TCF7L2: variants seen among roughly 807,000 people sequenced by gnomAD.
TCF7L2 encodes transcription factor 7 like 2, also known as transcription factor 7-like 2.
In TCF7L2, 23 loss-of-function variants were observed where a neutral mutation model predicts 77.9. The observed-to-expected ratio is 0.30, with a 90% CI of 0.21 to 0.42. The LOEUF is 0.42. Among genes scored for constraint, TCF7L2 ranks in the 10% least tolerant of loss-of-function variants. The probability of loss-of-function intolerance (pLI) is 1.00; values close to 1 mark genes in which losing one functional copy is unlikely to be tolerated. For synonymous variants in TCF7L2, 413 were observed against 340.2 expected, an observed-to-expected ratio of 1.21 and a Z score of -2.36; for missense variants, 654 against 793.1, an observed-to-expected ratio of 0.82 and a Z score of 2.11.
chr10:113,141,435 TGG>T (rs55638532), intron 6 of TCF7L2, 119 bp downstream of exon 6: 7 of 1,408,006 alleles, frequency 5.0e-6, no homozygotes, highest in Non-Finnish European at 6.7e-6. Context: ...GGAACGGTGG[TGG>T]GGGGGCCCCT....
At chr10:113,098,307 A>G (rs1157832629) in intron 5 of TCF7L2, among the ~76,000 whole-genome samples, 2 of 151,728 alleles carry the variant, frequency 1.3e-5, no homozygotes, top group Non-Finnish European at 2.9e-5. Context: ...TTCCTTGGTC[A>G]GGTCACTTGC....
At chr10:113,137,497 T>C (rs2067602613) in intron 5 of TCF7L2, among the ~76,000 whole-genome samples, 2 of 152,196 alleles carry the variant, frequency 1.3e-5, no homozygotes, top group African/African-American at 4.8e-5. Context: ...ACAGCCAACC[T>C]GGTGAGGAAG....
At chr10:113,113,767 C>G (rs1591853291) in intron 5 of TCF7L2, among the ~76,000 whole-genome samples, 1 of 152,092 alleles carries the variant, frequency 6.6e-6, no homozygotes, top group Non-Finnish European at 1.5e-5. Flanking sequence ...ATCATAAACC[C>G]AAGGATTTCC....
At position 113,129,756 on chromosome 10, in the gene TCF7L2, A is replaced by C. The variant is rs914540794; in HGVS notation, c.553-11428A>C. The C allele has an allele frequency of 3.2e-6, 4 of 1,255,272 alleles. No homozygotes were observed. In the African/African-American group the frequency reaches 4.7e-5, roughly 15 times the overall value. 77.8% of individuals were successfully genotyped at this position (1,255,272 alleles called of 1,614,324 possible). A position where few individuals can be genotyped will look rare whatever the true frequency, so the allele number is the denominator to read the frequency against. The stretch of plus-strand genomic sequence containing the variant: ...GGGAGGGGAAGCTGGGAGGAAAAAG[A>C]AAAGTGAGAAAAGCAGAAAGGGAGG... On this transcript the variant is annotated intron_variant, in intron 5 of 13. Coordinates refer to ENST00000627217, the MANE Select transcript of TCF7L2 (RefSeq NM_001146274.2).
chr10:113,160,236 C>T (rs187586613), intron 12 of TCF7L2, among the ~76,000 whole-genome samples: 139 of 152,098 alleles, frequency 9.1e-4, no homozygotes, highest in Middle Eastern at 3.4e-3. Flanking sequence ...CAAACCTTAG[C>T]GCGCCCCCTC....
chr10:113,101,032 G>A (rs1196962222), intron 5 of TCF7L2, among the ~76,000 whole-genome samples: 2 of 152,016 alleles, frequency 1.3e-5, no homozygotes, highest in Non-Finnish European at 2.9e-5. Flanking sequence ...CTGAGATCGC[G>A]CCATTGCACT....
intron 4 of TCF7L2, among the ~76,000 whole-genome samples, chr10:113,023,443 A>G (rs2048560764): frequency 1.3e-5 from 2 of 152,258 alleles, no homozygotes; most frequent in South Asian, 4.1e-4. Flanking sequence ...GCAGAGGGAT[A>G]TATTTAAAAT....
intron 3 of TCF7L2, among the ~76,000 whole-genome samples, chr10:112,954,587 G>A (rs149424919): frequency 7.7e-4 from 118 of 152,314 alleles, no homozygotes; most frequent in African/African-American, 2.7e-3. Flanking sequence ...TTAAGGAGAG[G>A]TCTAGTTAAG....
At chr10:113,165,472 C>T (rs2073975735) in intron 13 of TCF7L2, 83 bp from the exon 15 acceptor site, 5 of 1,474,910 alleles carry the variant, frequency 3.4e-6, no homozygotes, top group Non-Finnish European at 4.7e-6. Context: ...TAGGTGACCT[C>T]AGCTTGGGTG....
rs55938323 is a variant in TCF7L2 at position 113,014,128 on chromosome 10, T to C, written c.451-25897T>C. 4.9e-3 allele frequency among the ~76,000 whole-genome samples: 742 copies of C among 152,258 alleles called. 8 individuals are homozygous for C. The highest frequency in any genetic ancestry group is 5.5e-3 in the Non-Finnish European group (371 of 68,016). On this transcript the variant is annotated intron_variant, in intron 4 of 13. Transcript: ENST00000627217. Reference sequence around the variant, plus strand: ...GCATGTGCCTCGAGTGCGTGGTCCTTATTAAGAAGGGTGGTTAGACAGGGA... The same window carrying C: ...GCATGTGCCTCGAGTGCGTGGTCCTCATTAAGAAGGGTGGTTAGACAGGGA...
chr10:112,951,518 C>G lies in TCF7L2; in HGVS notation c.292C>G (p.Pro98Ala). Residue 98 changes from proline to alanine, a missense_variant, in exon 3 of 14, where the codon CCA becomes GCA. By Grantham distance (27) the Pro-to-Ala change is conservative. Transcript: ENST00000627217. ...GCAAGATGGAGGGCTCTTTAAGGGG[C>G]CACCGTATCCCGGCTACCCCTTCAT... is the stretch of plus-strand genomic sequence containing the variant. 1 of 1,430,042 alleles carries G rather than the reference C, an allele frequency of 7.0e-7. No individual in the cohort carries two copies. Among genetic ancestry groups the G allele is most frequent in the South Asian group, 1.2e-5 (1 of 83,122 alleles). The allele number at this position is 1,430,042 out of a possible 1,614,324, so 88.6% of individuals were successfully genotyped here.
At chr10:113,150,511 A>C (rs1012643223) in intron 8 of TCF7L2, among the ~76,000 whole-genome samples, 2 of 152,244 alleles carry the variant, frequency 1.3e-5, no homozygotes, top group African/African-American at 4.8e-5. Flanking sequence ...CAACAGGATG[A>C]GGCCTAATGA....
chr10:113,067,484 G>C (rs1410987784), intron 5 of TCF7L2, among the ~76,000 whole-genome samples: 1 of 152,178 alleles, frequency 6.6e-6, no homozygotes, highest in Non-Finnish European at 1.5e-5. Context: ...TCCCCCACAA[G>C]AAATATTCAG....
In TCF7L2 at chr10:113,155,470, C is replaced by T. The variant is rs75201022; in HGVS notation, c.1270-2551C>T. On this transcript the variant is annotated intron_variant, in intron 11 of 13. Transcript: ENST00000627217. ...TAAGTGTAGGGTTTATCCACTTTCTCATGTCTTCTTTTTATTAAAACACAA... is the reference window on the plus strand; with the variant it reads ...TAAGTGTAGGGTTTATCCACTTTCTTATGTCTTCTTTTTATTAAAACACAA... Among the ~76,000 whole-genome samples, 307 of 152,292 alleles carry T rather than the reference C, an allele frequency of 2.0e-3. 8 individuals carry two copies. The East Asian group carries it at 0.05, about 25-fold the overall frequency.
intron 5 of TCF7L2, among the ~76,000 whole-genome samples, chr10:113,138,440 G>C (rs2067765954): frequency 6.6e-6 from 1 of 152,084 alleles, no homozygotes; most frequent in Non-Finnish European, 1.5e-5. Context: ...CTCACACTCA[G>C]TTAACTCCAT....
At chr10:113,146,155 C>A (rs2136995239) in intron 8 of TCF7L2, 58 bp downstream of exon 8, 1 of 1,527,630 alleles carries the variant, frequency 6.5e-7, no homozygotes, top group Non-Finnish European at 9.1e-7. Flanking sequence ...TCAAGAAGTT[C>A]TCTAGATGGC....
chr10:112,983,213 T>C (rs1176696788), intron 4 of TCF7L2, among the ~76,000 whole-genome samples: 1 of 151,828 alleles, frequency 6.6e-6, no homozygotes, highest in African/African-American at 2.4e-5. Flanking sequence ...GGCTCATGCC[T>C]GTAATCCCAG....
intron 4 of TCF7L2, among the ~76,000 whole-genome samples, chr10:113,031,765 A>G (rs1394485952): frequency 6.6e-6 from 1 of 152,168 alleles, no homozygotes; most frequent in Non-Finnish European, 1.5e-5. Flanking sequence ...CTGGGATTAC[A>G]GGCATGAGCC....
chr10:113,088,435 G>A (rs563125804), intron 5 of TCF7L2, among the ~76,000 whole-genome samples: 14 of 152,128 alleles, frequency 9.2e-5, no homozygotes, highest in Non-Finnish European at 1.6e-4. Flanking sequence ...AGGTAGGGGT[G>A]AGGATTAATG....
Sources: allele counts gnomAD v4.1 joint callset (sites outside exome capture counted in the v4.1 genomes callset), GRCh38; gene constraint gnomAD v4.1.1; transcripts MANE v1.5; gene names NCBI Gene and HGNC (gene_info 2026-07-23, HGNC 2026-07-21).